Variants in MAGI3 observed in about 807,000 individuals in gnomAD.
MAGI3 encodes the protein membrane associated guanylate kinase, WW and PDZ domain containing 3, also known as membrane-associated guanylate kinase, WW and PDZ domain-containing protein 3.
In MAGI3, 43 loss-of-function variants were observed where a neutral mutation model predicts 121.8. The observed-to-expected ratio is 0.35, with a 90% confidence interval of 0.28 to 0.46. The LOEUF (loss-of-function observed/expected upper bound fraction) is 0.46. Ranked by LOEUF, MAGI3 falls within the 20% of genes least tolerant of loss-of-function variation. The pLI is 1.00. For missense variants in MAGI3, 1,547 were observed against 1,797.3 expected (o/e 0.86, Z 2.52); for synonymous variants, 553 against 639.3 (o/e 0.86, Z 2.04).
At chr1:113,475,121 C>T (rs540977703) in intron 1 of MAGI3, among the ~76,000 whole-genome samples, 33 of 152,270 alleles carry the variant, frequency 2.2e-4, no homozygotes, top group African/African-American at 7.5e-4. Context: ...TGCTTATCAG[C>T]TTAAGAAGAT....
At chr1:113,631,878 G>T (rs1181847174) in intron 9 of MAGI3, among the ~76,000 whole-genome samples, 1 of 152,140 alleles carries the variant, frequency 6.6e-6, no homozygotes, top group Non-Finnish European at 1.5e-5. Context: ...TTTTAATATG[G>T]CTGGGAGTGT....
At chr1:113,479,038 G>T (rs1196744094) in intron 1 of MAGI3, among the ~76,000 whole-genome samples, 1 of 152,218 alleles carries the variant, frequency 6.6e-6, no homozygotes, top group South Asian at 2.1e-4. Context: ...GGCTCTGTGG[G>T]CGTGGGAGCT....
intron 1 of MAGI3, among the ~76,000 whole-genome samples, chr1:113,411,452 G>T (rs558732467): frequency 6.6e-6 from 1 of 151,728 alleles, no homozygotes; most frequent in African/African-American, 2.4e-5. Flanking sequence ...AATTTAGGCC[G>T]TTTTTATAAG....
intron 1 of MAGI3, among the ~76,000 whole-genome samples, chr1:113,538,903 T>G (rs1320280323): frequency 2.0e-5 from 3 of 152,228 alleles, no homozygotes; most frequent in Admixed American, 2.0e-4. Context: ...GTCTCAGCTT[T>G]CATGTAGAAC....
At chr1:113,479,413 T>A (rs77450826) in intron 1 of MAGI3, among the ~76,000 whole-genome samples, 3,559 of 152,314 alleles carry the variant, frequency 0.023, 72 homozygotes, top group Middle Eastern at 0.044. Flanking sequence ...TCCTGTACTT[T>A]AAATATGTCA....
chr1:113,534,081 AT>A (rs1433979574), intron 1 of MAGI3, among the ~76,000 whole-genome samples: 3 of 152,030 alleles, frequency 2.0e-5, no homozygotes, highest in Admixed American at 1.3e-4. Context: ...CTAATTTCTT[AT>A]GTTTAGTATG....
chr1:113,614,289 G>A (rs1317255945), intron 6 of MAGI3, among the ~76,000 whole-genome samples: 4 of 152,268 alleles, frequency 2.6e-5, no homozygotes, highest in Middle Eastern at 6.8e-3. Flanking sequence ...TATGTCTTGT[G>A]TCAGCATGAT....
At chr1:113,527,218 T>C (rs1393660359) in intron 1 of MAGI3, among the ~76,000 whole-genome samples, 1 of 151,964 alleles carries the variant, frequency 6.6e-6, no homozygotes, top group Non-Finnish European at 1.5e-5. Flanking sequence ...TTGAGGTGAA[T>C]TGTGGCAGAT....
chr1:113,662,308 GGACTT>G (rs1469797505), intron 16 of MAGI3, among the ~76,000 whole-genome samples: 1 of 152,164 alleles, frequency 6.6e-6, no homozygotes, highest in Non-Finnish European at 1.5e-5. Context: ...ACTGTAGCCA[GGACTT>G]GAGACTGTTC....
rs761476097 is a variant in MAGI3, at chr1:113,642,472, A to G, written c.1922A>G (p.Gln641Arg). 5.0e-6 allele frequency: 8 copies of G among 1,613,978 alleles called. No homozygotes were observed. The Admixed American group carries it at 1.3e-4, about 27-fold the overall frequency. The change falls in exon 10 of 21, where the codon CAG (glutamine) becomes CGG (arginine). Residue 641 changes from glutamine to arginine, a missense_variant. Transcript: ENST00000307546. ...THLQVVEVLK[Q>R]FPVGADVPLL... is the part of the protein sequence containing the mutation. The stretch of plus-strand genomic sequence containing the variant: ...CTCCAAGTGGTAGAGGTGCTAAAGC[A>G]GTTTCCAGTAGGTGCTGATGTACCA...
At chr1:113,424,010 G>C (rs1404864002) in intron 1 of MAGI3, among the ~76,000 whole-genome samples, 1 of 152,140 alleles carries the variant, frequency 6.6e-6, no homozygotes, top group African/African-American at 2.4e-5. Context: ...CTGAGCCCAC[G>C]GGGGCAGGGG....
At position 113,685,330 on chromosome 1, in the gene MAGI3, T is replaced by C. The variant is rs1648480000; in HGVS notation, c.*1316T>C. ...GAAGCAGCATTCAGTAGCATCTATATAAATAAAGGCACCTTCTGAGAATAA... is the reference window on the plus strand; with the variant it reads ...GAAGCAGCATTCAGTAGCATCTATACAAATAAAGGCACCTTCTGAGAATAA... On this transcript the variant is annotated 3_prime_UTR_variant, in exon 21 of 21. Coordinates refer to ENST00000307546, the MANE Select transcript of MAGI3 (RefSeq NM_001142782.2). 1 of 152,398 alleles carries C rather than the reference T, an allele frequency of 6.6e-6. No homozygotes were observed. Among genetic ancestry groups the C allele is most frequent in the Non-Finnish European group, 1.5e-5 (1 of 68,052 alleles). 9.4% of individuals were successfully genotyped at this position (152,398 alleles called of 1,614,324 possible). A position where few individuals can be genotyped will look rare whatever the true frequency, so the allele number is the denominator to read the frequency against.
intron 20 of MAGI3, chr1:113,682,438 A>G: frequency 1.4e-6 from 2 of 1,385,884 alleles, no homozygotes; most frequent in Non-Finnish European, 1.9e-6. Flanking sequence ...AGCTTAATGC[A>G]AGAGAATTAT....
chr1:113,575,308 T>G (rs1409584554), intron 2 of MAGI3, among the ~76,000 whole-genome samples: 1 of 152,238 alleles, frequency 6.6e-6, no homozygotes, highest in Non-Finnish European at 1.5e-5. Flanking sequence ...GTACTGGTTT[T>G]TCCTCATCTT....
At chr1:113,536,667 G>A (rs1010484685) in intron 1 of MAGI3, among the ~76,000 whole-genome samples, 1 of 151,506 alleles carries the variant, frequency 6.6e-6, no homozygotes, top group Non-Finnish European at 1.5e-5. Context: ...ATCTCTTGAA[G>A]CAATTGTTGT....
Position 113,435,179 on chromosome 1 carries a change from G to A in MAGI3, c.316+43830G>A, listed in dbSNP as rs114400580. Among the ~76,000 whole-genome samples, 626 of 152,114 alleles carry A rather than the reference G, an allele frequency of 4.1e-3. 3 individuals are homozygous for A. The highest frequency in any genetic ancestry group is 0.014 in the African/African-American group (601 of 41,508). On this transcript the variant is annotated intron_variant, in intron 1 of 20. Transcript: ENST00000307546. ...GAAATTCTAAATTCCTTTTACTCAC[G>A]GGAAATTAGATTTTAGTGTTTTGCA...
At chr1:113,477,314 T>C (rs1655881538) in intron 1 of MAGI3, among the ~76,000 whole-genome samples, 1 of 152,210 alleles carries the variant, frequency 6.6e-6, no homozygotes, top group Admixed American at 6.5e-5. Flanking sequence ...GCAGTTTCTT[T>C]ATAGCATCGA....
chr1:113,682,975 T>A lies in MAGI3; in HGVS notation c.3407T>A (p.Phe1136Tyr). 6.2e-7 allele frequency: 1 copy of A among 1,613,726 alleles called. No individual in the cohort carries two copies. The highest frequency in any genetic ancestry group is 1.1e-5 in the South Asian group (1 of 90,958). The stretch of plus-strand genomic sequence containing the variant: ...TCACCATTACCCCCATCTTCACATT[T>A]TGCTTCCATATTTGAAGAGTCTCAC... ...EQSPLPPSSH[F>Y]ASIFEESHVP... The change falls in exon 21 of 21, where the codon TTT (phenylalanine) becomes TAT (tyrosine). Residue 1136 changes from phenylalanine (F) to tyrosine (Y), a missense_variant. Transcript: ENST00000307546.
chr1:113,594,103 G>T (rs1648851992), intron 5 of MAGI3, among the ~76,000 whole-genome samples: 1 of 152,214 alleles, frequency 6.6e-6, no homozygotes, highest in African/African-American at 2.4e-5. Context: ...AAGAAGAAAG[G>T]AGTTCAGCCA....
Sources: allele counts gnomAD v4.1 joint callset (sites outside exome capture counted in the v4.1 genomes callset), GRCh38; gene constraint gnomAD v4.1.1; transcripts MANE v1.5; gene names NCBI Gene and HGNC (gene_info 2026-07-23, HGNC 2026-07-21).